CORIN: variants seen among roughly 807,000 people sequenced by gnomAD.
CORIN encodes atrial natriuretic peptide-converting enzyme.
Under a neutral mutation model 125.3 loss-of-function variants are expected in CORIN, and 117 were observed. That is an observed-to-expected ratio of 0.93 (90% CI 0.80 to 1.09). The LOEUF (loss-of-function observed/expected upper bound fraction) is 1.09, where lower values mean the gene tolerates loss of function less well. Among genes scored for constraint, CORIN ranks in the 50% least tolerant of loss-of-function variants. CORIN has a pLI of 0.00. For missense variants in CORIN, 1,253 were observed against 1,306.7 expected (o/e 0.96, Z 0.63); for synonymous variants, 450 against 466.4 (o/e 0.96, Z 0.45).
intron 19 of CORIN, among the ~76,000 whole-genome samples, chr4:47,614,387 C>T (rs974215801): frequency 2.0e-5 from 3 of 152,030 alleles, no homozygotes; most frequent in Non-Finnish European, 4.4e-5. Flanking sequence ...AGTAGAGATG[C>T]GGTTTCACCA....
intron 4 of CORIN, among the ~76,000 whole-genome samples, chr4:47,762,767 T>G (rs1469258737): frequency 6.6e-6 from 1 of 152,206 alleles, no homozygotes; most frequent in East Asian, 1.9e-4. Context: ...TGAGTTCATT[T>G]GATGAGAGGC....
intron 5 of CORIN, among the ~76,000 whole-genome samples, chr4:47,710,128 T>G (rs1216541884): frequency 1.3e-5 from 2 of 152,190 alleles, no homozygotes; most frequent in African/African-American, 2.4e-5. Context: ...GTACAAGAAA[T>G]TGAAAGTAGC....
intron 4 of CORIN, among the ~76,000 whole-genome samples, chr4:47,755,405 T>A (rs893690790): frequency 2.0e-5 from 3 of 152,198 alleles, no homozygotes; most frequent in Non-Finnish European, 4.4e-5. Context: ...ATTCTTCACA[T>A]GAACAGATTC....
intron 1 of CORIN, chr4:47,837,645 C>T (rs937467659): frequency 9.6e-6 from 6 of 622,026 alleles, no homozygotes; most frequent in African/African-American, 1.9e-5. Flanking sequence ...CTGCCCATGA[C>T]CCTGGGAGGG....
intron 20 of CORIN, among the ~76,000 whole-genome samples, chr4:47,600,701 T>C (rs955161423): frequency 6.6e-6 from 1 of 152,166 alleles, no homozygotes; most frequent in Non-Finnish European, 1.5e-5. Context: ...GGCTGCCAGA[T>C]AGGAGGCTGC....
intron 5 of CORIN, among the ~76,000 whole-genome samples, chr4:47,733,184 C>T (rs1038107308): frequency 6.6e-6 from 1 of 152,278 alleles, no homozygotes; most frequent in Middle Eastern, 3.4e-3. Context: ...TCCCATTTAG[C>T]CCATAACACA....
At chr4:47,654,648 C>T (rs904223100) in intron 12 of CORIN, among the ~76,000 whole-genome samples, 1 of 152,208 alleles carries the variant, frequency 6.6e-6, no homozygotes, top group Non-Finnish European at 1.5e-5. Context: ...GGGGAATCAC[C>T]CATCCCAGTG....
intron 3 of CORIN, among the ~76,000 whole-genome samples, chr4:47,781,514 G>T (rs552179293): frequency 6.6e-6 from 1 of 152,152 alleles, no homozygotes; most frequent in Admixed American, 6.5e-5. Context: ...CACATTTAAG[G>T]TGAAGGCTAA....
chr4:47,706,753 C>T lies in CORIN; in HGVS notation c.800-13670G>A. On this transcript the variant is annotated intron_variant, in intron 5 of 21. Transcript: ENST00000273857. ...ACTGGGTTGGTGAAGATTCCACATACAAATTTTTTGAGGTTATCCTCATTG... is the reference window on the plus strand; with the variant it reads ...ACTGGGTTGGTGAAGATTCCACATATAAATTTTTTGAGGTTATCCTCATTG... 3 of 1,600,748 alleles carry T rather than the reference C, an allele frequency of 1.9e-6. No individual in the cohort carries two copies. In the South Asian group the frequency reaches 3.3e-5, roughly 18 times the overall value.
intron 5 of CORIN, among the ~76,000 whole-genome samples, chr4:47,701,556 G>C (rs1339488457): frequency 6.6e-6 from 1 of 152,116 alleles, no homozygotes; most frequent in Non-Finnish European, 1.5e-5. Flanking sequence ...TCTGTAACTG[G>C]TGGCACTTTG....
intron 1 of CORIN, among the ~76,000 whole-genome samples, chr4:47,829,173 A>C (rs1732868962): frequency 6.6e-6 from 1 of 151,358 alleles, no homozygotes; most frequent in East Asian, 1.9e-4. Flanking sequence ...AAAAAAAAAA[A>C]AAAAAAAAAA....
intron 13 of CORIN, among the ~76,000 whole-genome samples, chr4:47,649,452 C>T (rs771575374): frequency 7.2e-5 from 11 of 152,246 alleles, no homozygotes; most frequent in Non-Finnish European, 1.3e-4. Flanking sequence ...AGGGAGATGG[C>T]TGGGGCAGCC....
chr4:47,651,444 G>T (rs893528463), intron 13 of CORIN, among the ~76,000 whole-genome samples: 2 of 152,214 alleles, frequency 1.3e-5, no homozygotes, highest in Non-Finnish European at 2.9e-5. Flanking sequence ...CCTCTGTTGA[G>T]CCTTCATCAA....
chr4:47,830,531 T>C (rs1194818218), intron 1 of CORIN, among the ~76,000 whole-genome samples: 1 of 152,214 alleles, frequency 6.6e-6, no homozygotes, highest in African/African-American at 2.4e-5. Context: ...CACAAGTGCA[T>C]GAATCCCTGT....
chr4:47,600,357 T>TA lies in CORIN; in HGVS notation c.2813-11dup, dbSNP rs1374848293. The TA allele has an allele frequency of 6.2e-7, 1 of 1,604,100 alleles. No homozygotes were observed. The highest frequency in any genetic ancestry group is 8.5e-7 in the Non-Finnish European group (1 of 1,174,172). ...TGCAGCTTAAATGGCACTGAATTTT[T>TA]AAAAAATAAGAATATATATATGATG... is the stretch of plus-strand genomic sequence containing the variant. On this transcript the variant is annotated splice_polypyrimidine_tract_variant and intron_variant, in intron 20 of 21. Coordinates refer to ENST00000273857, the MANE Select transcript of CORIN (RefSeq NM_006587.4).
chr4:47,764,040 A>G (rs896153010), intron 3 of CORIN, among the ~76,000 whole-genome samples: 6 of 152,158 alleles, frequency 3.9e-5, no homozygotes, highest in African/African-American at 1.4e-4. Flanking sequence ...ACAATTTTTA[A>G]AAGATAGAAA....
intron 16 of CORIN, among the ~76,000 whole-genome samples, chr4:47,638,532 G>C (rs1251692412): frequency 1.3e-5 from 2 of 152,182 alleles, no homozygotes; most frequent in African/African-American, 4.8e-5. Context: ...CTTCATGATA[G>C]TGAATAAGTT....
chr4:47,812,382 G>C (rs888587413), intron 1 of CORIN, among the ~76,000 whole-genome samples: 8 of 152,210 alleles, frequency 5.3e-5, no homozygotes, highest in African/African-American at 1.9e-4. Flanking sequence ...GTTGTTGCCT[G>C]TAGTCCCAGC....
chr4:47,622,587 T>G (rs1366369810), intron 19 of CORIN, among the ~76,000 whole-genome samples: 1 of 152,100 alleles, frequency 6.6e-6, no homozygotes, highest in African/African-American at 2.4e-5. Context: ...GATTTGCATT[T>G]CTCTGATGGC....
Sources: gnomAD v4.1 joint callset for allele counts (sites outside exome capture counted in the v4.1 genomes callset) on GRCh38, gnomAD v4.1.1 for gene constraint, MANE v1.5 for transcripts, NCBI Gene and HGNC (gene_info 2026-07-23, HGNC 2026-07-21) for gene names.